CARMIL1: variants seen among roughly 807,000 people sequenced by gnomAD.
CARMIL1 encodes the protein capping protein regulator and myosin 1 linker 1, also known as F-actin-uncapping protein LRRC16A.
A neutral mutation model predicts 177.1 loss-of-function variants in CARMIL1; 90 were observed. The ratio of observed to expected loss-of-function variants is 0.51; its 90% CI spans 0.43 to 0.61. The LOEUF (loss-of-function observed/expected upper bound fraction) is 0.61. Ranked by LOEUF, CARMIL1 falls within the 20% of genes least tolerant of loss-of-function variation. The pLI is 0.00. For missense variants in CARMIL1, 1,380 were observed against 1,667.0 expected (o/e 0.83, Z 3.00); for synonymous variants, 577 against 606.2 (o/e 0.95, Z 0.71).
chr6:25,566,901 A>G (rs575696808), intron 29 of CARMIL1, among the ~76,000 whole-genome samples: 1 of 152,336 alleles, frequency 6.6e-6, no homozygotes, highest in East Asian at 1.9e-4. Context: ...GTTATCTTTA[A>G]ACTGATGAGG....
Position 25,575,426 on chromosome 6 carries a change from C to A in CARMIL1, c.2743-5498C>A, listed in dbSNP as rs185436535. Among the ~76,000 whole-genome samples the A allele has an allele frequency of 7.2e-5, 11 of 152,196 alleles. No homozygotes were observed. In the East Asian group the frequency reaches 2.1e-3, roughly 29 times the overall value. On this transcript the variant is annotated intron_variant, in intron 29 of 36. Transcript: ENST00000329474. Reference sequence around the variant, plus strand: ...ATGATCTTTAGGTGGATAATTGGGACAGACTACTTTTCTTGATGAATTAAT... The same window carrying A: ...ATGATCTTTAGGTGGATAATTGGGAAAGACTACTTTTCTTGATGAATTAAT...
chr6:25,415,903 A>C (rs1005971532), intron 2 of CARMIL1, among the ~76,000 whole-genome samples: 3 of 151,824 alleles, frequency 2.0e-5, no homozygotes, highest in South Asian at 4.2e-4. Context: ...GGAGGAGCGC[A>C]CCAGAAGAGG....
chr6:25,538,443 A>C (rs545197760), intron 25 of CARMIL1, among the ~76,000 whole-genome samples: 4 of 152,302 alleles, frequency 2.6e-5, no homozygotes, highest in African/African-American at 9.6e-5. Context: ...TCACACAATC[A>C]CTGAATGTCA....
At chr6:25,579,866 C>T (rs753185000) in intron 29 of CARMIL1, among the ~76,000 whole-genome samples, 9 of 152,080 alleles carry the variant, frequency 5.9e-5, no homozygotes, top group Non-Finnish European at 7.4e-5. Context: ...GCCAGTTTCT[C>T]CTTGGAGCTA....
chr6:25,348,447 A>G (rs754609776), intron 2 of CARMIL1, among the ~76,000 whole-genome samples: 61 of 152,002 alleles, frequency 4.0e-4, no homozygotes, highest in Middle Eastern at 3.4e-3. Context: ...ACGCGCTTCT[A>G]ATCTTAAACA....
intron 2 of CARMIL1, among the ~76,000 whole-genome samples, chr6:25,286,355 A>G (rs193048485): frequency 1.5e-3 from 228 of 152,364 alleles, no homozygotes; most frequent in Non-Finnish European, 2.7e-3. Context: ...TATGTTGTCT[A>G]TATATACAAG....
chr6:25,559,187 T>C (rs1321196290), intron 29 of CARMIL1, among the ~76,000 whole-genome samples: 1 of 152,156 alleles, frequency 6.6e-6, no homozygotes. Flanking sequence ...TGGTACAAAC[T>C]CATAGCTAAT....
At chr6:25,288,076 C>G (rs953292347) in intron 2 of CARMIL1, among the ~76,000 whole-genome samples, 1 of 152,040 alleles carries the variant, frequency 6.6e-6, no homozygotes, top group Non-Finnish European at 1.5e-5. Context: ...TTCAGGAGCA[C>G]GGAGAGGAAC....
At chr6:25,617,631 G>A (rs1759386967) in intron 36 of CARMIL1, among the ~76,000 whole-genome samples, 1 of 152,124 alleles carries the variant, frequency 6.6e-6, no homozygotes, top group African/African-American at 2.4e-5. Flanking sequence ...TTGAGGTTGG[G>A]TTTATTGTAA....
chr6:25,284,309 G>A (rs1781366278), intron 1 of CARMIL1, among the ~76,000 whole-genome samples: 1 of 152,112 alleles, frequency 6.6e-6, no homozygotes, highest in Non-Finnish European at 1.5e-5. Context: ...GTATTATGTC[G>A]TGCTTTTGTG....
At chr6:25,414,336 A>G (rs150801227) in intron 2 of CARMIL1, among the ~76,000 whole-genome samples, 234 of 152,320 alleles carry the variant, frequency 1.5e-3, no homozygotes, top group African/African-American at 5.2e-3. Flanking sequence ...TCAGCCCTGA[A>G]ACTAGAAACG....
rs1259896716 is a variant in CARMIL1, at chr6:25,391,935, CTG to C, written c.139-28176_139-28175del. Among the ~76,000 whole-genome samples, 12 of 152,304 alleles carry C rather than the reference CTG, an allele frequency of 7.9e-5. No homozygotes were observed. In the South Asian group the frequency reaches 2.1e-3, roughly 26 times the overall value. On this transcript the variant is annotated intron_variant, in intron 2 of 36. Transcript: ENST00000329474. ...TGGCATGCCACATTCTTCTTCCAAA[CTG>C]TGAGAAACTCAATGACAGAGTTAGA...
At chr6:25,485,165 T>C (rs1802505386) in intron 12 of CARMIL1, among the ~76,000 whole-genome samples, 2 of 152,210 alleles carry the variant, frequency 1.3e-5, no homozygotes, top group Admixed American at 1.3e-4. Flanking sequence ...AAGGGCAAGT[T>C]TGGTTCTGAG....
At chr6:25,469,922 G>A (rs1055446034) in intron 9 of CARMIL1, among the ~76,000 whole-genome samples, 4 of 152,042 alleles carry the variant, frequency 2.6e-5, no homozygotes, top group African/African-American at 7.2e-5. Flanking sequence ...GAATGAAGCA[G>A]GTTATAAATA....
At chr6:25,291,856 A>G (rs1243570000) in intron 2 of CARMIL1, among the ~76,000 whole-genome samples, 2 of 152,216 alleles carry the variant, frequency 1.3e-5, no homozygotes, top group Non-Finnish European at 2.9e-5. Flanking sequence ...TAAGCAGTAC[A>G]CATATCACAG....
intron 9 of CARMIL1, among the ~76,000 whole-genome samples, chr6:25,468,335 A>C (rs1351135962): frequency 6.6e-6 from 1 of 152,056 alleles, no homozygotes; most frequent in African/African-American, 2.4e-5. Flanking sequence ...ATTGGTGAGC[A>C]TCTTTTTTTA....
intron 16 of CARMIL1, among the ~76,000 whole-genome samples, chr6:25,497,509 A>T (rs1434052870): frequency 6.6e-6 from 1 of 152,158 alleles, no homozygotes; most frequent in African/African-American, 2.4e-5. Flanking sequence ...AGAAAGCAGG[A>T]TCAGACAAAA....
intron 2 of CARMIL1, among the ~76,000 whole-genome samples, chr6:25,351,039 C>T (rs539789257): frequency 6.6e-6 from 1 of 152,176 alleles, no homozygotes; most frequent in East Asian, 1.9e-4. Flanking sequence ...ATTATAGAAA[C>T]ATGGAAGAGA....
intron 29 of CARMIL1, among the ~76,000 whole-genome samples, chr6:25,560,842 G>A (rs767797486): frequency 3.3e-5 from 5 of 152,184 alleles, no homozygotes; most frequent in Non-Finnish European, 7.3e-5. Flanking sequence ...AATAGAAGGC[G>A]TAGTGTAATA....
Sources: allele counts gnomAD v4.1 joint callset (sites outside exome capture counted in the v4.1 genomes callset), GRCh38; gene constraint gnomAD v4.1.1; transcripts MANE v1.5; gene names NCBI Gene and HGNC (gene_info 2026-07-23, HGNC 2026-07-21).